CAMSAP2: variants seen among roughly 807,000 people sequenced by gnomAD.
CAMSAP2 encodes the protein calmodulin-regulated spectrin-associated protein 2.
In CAMSAP2, 26 loss-of-function variants were observed where a neutral mutation model predicts 146.1. The ratio of observed to expected loss-of-function variants is 0.18; its 90% CI spans 0.13 to 0.25. The LOEUF (loss-of-function observed/expected upper bound fraction) is 0.25, where lower values mean the gene tolerates loss of function less well. CAMSAP2 is among the 10% of genes least tolerant of loss of function. CAMSAP2 has a pLI of 1.00. For synonymous variants in CAMSAP2, 499 were observed against 596.6 expected (o/e 0.84, Z 2.38); for missense variants, 1,381 against 1,759.3 (o/e 0.78, Z 3.85).
In CAMSAP2 at chr1:200,842,083, A is replaced by G; in HGVS notation, c.1017A>G (p.Gln339=). Residue 339 remains glutamine (Q), a synonymous_variant, in exon 7 of 17, where the codon CAA becomes CAG. Coordinates refer to ENST00000358823, the MANE Select transcript of CAMSAP2 (RefSeq NM_203459.4). The stretch of plus-strand genomic sequence containing the variant: ...TACAGCCTCGTGTTGTTCGTCCACA[A>G]GGAGGTAATCAATCTTTTTAATTTT... The part of the protein sequence containing the change: ...SFVQPRVVRP[Q]GAEPVKDMPS... 1 of 1,611,354 alleles carries G rather than the reference A, an allele frequency of 6.2e-7. No homozygotes were observed. The highest frequency in any genetic ancestry group is 8.5e-7 in the Non-Finnish European group (1 of 1,177,494).
At chr1:200,811,246 T>A (rs1666322101) in intron 3 of CAMSAP2, among the ~76,000 whole-genome samples, 1 of 152,140 alleles carries the variant, frequency 6.6e-6, no homozygotes, top group Non-Finnish European at 1.5e-5. Flanking sequence ...GTGGTGGCAG[T>A]TTCTTTGGCT....
intron 1 of CAMSAP2, 75 bp from the exon 2 acceptor site, chr1:200,760,761 AAAT>A: frequency 9.5e-7 from 1 of 1,056,724 alleles, no homozygotes; most frequent in Non-Finnish European, 1.3e-6. Flanking sequence ...TCTATGACAT[AAAT>A]AATAATTATT....
intron 4 of CAMSAP2, among the ~76,000 whole-genome samples, chr1:200,822,078 A>G (rs1349318787): frequency 6.6e-6 from 1 of 151,692 alleles, no homozygotes; most frequent in African/African-American, 2.4e-5. Context: ...CAGATTCATC[A>G]GTTTTTCAAA....
intron 4 of CAMSAP2, among the ~76,000 whole-genome samples, chr1:200,817,230 A>ATACACACACACACATATAAGTGTGTG (rs1558192265): frequency 1.1e-5 from 1 of 87,010 alleles, no homozygotes; most frequent in African/African-American, 4.4e-5. Flanking sequence ...ATGTGTGTGT[A>ATACACACACACACATATAAGTGTGTG]TATACACACA....
intron 11 of CAMSAP2, among the ~76,000 whole-genome samples, chr1:200,851,973 CAAATT>C (rs1460340593): frequency 6.6e-6 from 1 of 152,184 alleles, no homozygotes; most frequent in Non-Finnish European, 1.5e-5. Context: ...AACTAGCTCT[CAAATT>C]AAAAGTACTG....
intron 4 of CAMSAP2, among the ~76,000 whole-genome samples, chr1:200,816,873 C>CACACACGCGTGTGTATGTGTGT (rs1666546184): frequency 2.6e-5 from 1 of 38,472 alleles, no homozygotes; most frequent in Non-Finnish European, 4.7e-5. Context: ...TATGTGTGTA[C>CACACACGCGTGTGTATGTGTGT]ACACACACGC....
At chr1:200,783,441 A>G (rs893301514) in intron 2 of CAMSAP2, among the ~76,000 whole-genome samples, 1 of 152,138 alleles carries the variant, frequency 6.6e-6, no homozygotes, top group Non-Finnish European at 1.5e-5. Context: ...TGACAAATAC[A>G]TGCATTGCAG....
intron 7 of CAMSAP2, 108 bp from the exon 8 acceptor site, chr1:200,844,674 G>T (rs1045922391): frequency 1.3e-5 from 7 of 522,402 alleles, no homozygotes; most frequent in Non-Finnish European, 2.0e-5. Context: ...TTCTCAATAC[G>T]TAGAAAGGGA....
chr1:200,749,367 G>A (rs973940024), intron 1 of CAMSAP2, among the ~76,000 whole-genome samples: 1 of 152,184 alleles, frequency 6.6e-6, no homozygotes, highest in South Asian at 2.1e-4. Context: ...GAGGACACAT[G>A]GGCCAGACTG....
chr1:200,760,514 G>A (rs1057374584), intron 1 of CAMSAP2, among the ~76,000 whole-genome samples: 2 of 152,120 alleles, frequency 1.3e-5, no homozygotes, highest in African/African-American at 4.8e-5. Flanking sequence ...TAGTTTTTAG[G>A]AATCTTATAG....
chr1:200,831,037 CAA>C (rs1039641340), intron 4 of CAMSAP2, among the ~76,000 whole-genome samples: 4 of 152,142 alleles, frequency 2.6e-5, no homozygotes, highest in African/African-American at 9.6e-5. Flanking sequence ...TTTATTCTCA[CAA>C]AAGTGTTTTA....
chr1:200,759,459 G>GTA (rs1282541184), intron 1 of CAMSAP2, among the ~76,000 whole-genome samples: 1 of 152,008 alleles, frequency 6.6e-6, no homozygotes, highest in African/African-American at 2.4e-5. Flanking sequence ...TGTGTTTTTA[G>GTA]TAGAGAGGGG....
At chr1:200,812,416 A>T (rs899472346) in intron 3 of CAMSAP2, among the ~76,000 whole-genome samples, 1 of 152,228 alleles carries the variant, frequency 6.6e-6, no homozygotes, top group Non-Finnish European at 1.5e-5. Flanking sequence ...AGTCATATCC[A>T]CCTCATTCCA....
In CAMSAP2 at chr1:200,848,971, A is replaced by G. The variant is rs998430435; in HGVS notation, c.2202A>G (p.Thr734=). The part of the protein sequence containing the change: ...VVAWAQIPEE[T]GLPQGRDTTQ... ...CTTGGGCACAAATTCCAGAAGAAAC[A>G]GGGCTTCCACAGGGACGGGACACTA... Residue 734 remains threonine (T), a synonymous_variant, in exon 11 of 17, where the codon ACA becomes ACG. Coordinates refer to ENST00000358823, the MANE Select transcript of CAMSAP2 (RefSeq NM_203459.4). 5 of 1,614,060 alleles carry G rather than the reference A, an allele frequency of 3.1e-6. No homozygotes were observed. In the African/African-American group the frequency reaches 6.7e-5, roughly 22 times the overall value.
intron 2 of CAMSAP2, among the ~76,000 whole-genome samples, chr1:200,800,594 A>T (rs1666008143): frequency 6.6e-6 from 1 of 152,024 alleles, no homozygotes; most frequent in Non-Finnish European, 1.5e-5. Context: ...AATAGAGCAC[A>T]CCAGTGGGTC....
chr1:200,756,471 AAAAG>A (rs1188343121), intron 1 of CAMSAP2, among the ~76,000 whole-genome samples: 4 of 152,092 alleles, frequency 2.6e-5, no homozygotes, highest in Non-Finnish European at 4.4e-5. Flanking sequence ...AAAGAAAAAA[AAAAG>A]AAAAAAAAGT....
chr1:200,804,354 T>C (rs1193378392), intron 2 of CAMSAP2, among the ~76,000 whole-genome samples: 1 of 152,186 alleles, frequency 6.6e-6, no homozygotes, highest in Admixed American at 6.5e-5. Flanking sequence ...CACATTTCCC[T>C]TATTTTTAAA....
intron 11 of CAMSAP2, among the ~76,000 whole-genome samples, chr1:200,850,476 C>G (rs1190433177): frequency 6.6e-6 from 1 of 152,164 alleles, no homozygotes; most frequent in Non-Finnish European, 1.5e-5. Context: ...CTCTACTGCT[C>G]TTTCTCACTC....
intron 4 of CAMSAP2, among the ~76,000 whole-genome samples, chr1:200,825,576 G>T (rs1426154097): frequency 6.7e-6 from 1 of 149,464 alleles, no homozygotes; most frequent in African/African-American, 2.5e-5. Context: ...GTGCGATCTC[G>T]GCTCACTGCA....
Sources: allele counts gnomAD v4.1 joint callset (sites outside exome capture counted in the v4.1 genomes callset), GRCh38; gene constraint gnomAD v4.1.1; transcripts MANE v1.5; gene names NCBI Gene and HGNC (gene_info 2026-07-23, HGNC 2026-07-21).